CA8: variants seen among roughly 807,000 people sequenced by gnomAD.
CA8 encodes carbonic anhydrase 8 (inactive).
A neutral mutation model predicts 41.4 loss-of-function variants in CA8; 22 were observed. The observed-to-expected ratio is 0.53, with a 90% CI of 0.38 to 0.76. The LOEUF (loss-of-function observed/expected upper bound fraction) is 0.76. Ranked by LOEUF, CA8 falls within the 30% of genes least tolerant of loss-of-function variation. CA8 has a pLI of 0.00. For missense variants in CA8, 270 were observed against 352.8 expected (o/e 0.77, Z 1.88); for synonymous variants, 121 against 130.6 (o/e 0.93, Z 0.50).
chr8:60,267,444 G>A (rs1803937391), intron 2 of CA8, among the ~76,000 whole-genome samples: 1 of 152,228 alleles, frequency 6.6e-6, no homozygotes, highest in South Asian at 2.1e-4. Flanking sequence ...GGAAAGGGAA[G>A]TGAGATTCAT....
chr8:60,190,066 T>C lies in CA8; in HGVS notation c.*36-81A>G, dbSNP rs562932966. 8 of 151,856 alleles carry C rather than the reference T, an allele frequency of 5.3e-5. No individual in the cohort carries two copies. The South Asian group carries it at 1.0e-3, about 20-fold the overall frequency. 9.4% of individuals were successfully genotyped at this position (151,856 alleles called of 1,614,324 possible). A position where few individuals can be genotyped will look rare whatever the true frequency, so the allele number is the denominator to read the frequency against. ...AGCAGACTGAAAAGTCTTTTTACAG[T>C]ACAAGAGATAGTAAAAACTAAAAAT... On this transcript the variant is annotated intron_variant, in intron 8 of 8. Coordinates refer to ENST00000317995, the MANE Select transcript of CA8 (RefSeq NM_004056.6).
At chr8:60,215,572 T>A (rs1040213463) in intron 7 of CA8, among the ~76,000 whole-genome samples, 2 of 152,094 alleles carry the variant, frequency 1.3e-5, no homozygotes, top group Admixed American at 6.5e-5. Flanking sequence ...AATAAAAAAA[T>A]TTTAATAAAG....
At chr8:60,231,579 T>G (rs1807648803) in intron 4 of CA8, among the ~76,000 whole-genome samples, 1 of 152,216 alleles carries the variant, frequency 6.6e-6, no homozygotes, top group Non-Finnish European at 1.5e-5. Context: ...CAACTCTGGT[T>G]TCTGGTCCTG....
At chr8:60,267,502 G>T (rs973675269) in intron 2 of CA8, among the ~76,000 whole-genome samples, 1 of 152,174 alleles carries the variant, frequency 6.6e-6, no homozygotes, top group African/African-American at 2.4e-5. Flanking sequence ...TTTAGTGTTT[G>T]TCCTCATGCT....
At chr8:60,275,457 G>T (rs1033350609) in intron 2 of CA8, among the ~76,000 whole-genome samples, 13 of 148,680 alleles carry the variant, frequency 8.7e-5, no homozygotes, top group Non-Finnish European at 1.9e-4. Context: ...ACTGGATGTT[G>T]TATTTTTTTT....
chr8:60,231,642 T>A (rs1338011656), intron 4 of CA8, among the ~76,000 whole-genome samples: 2 of 152,200 alleles, frequency 1.3e-5, no homozygotes, highest in East Asian at 3.8e-4. Flanking sequence ...CTAAATCTTT[T>A]ACGATGTCAA....
intron 4 of CA8, among the ~76,000 whole-genome samples, chr8:60,230,692 A>G (rs1316542826): frequency 1.3e-5 from 2 of 151,952 alleles, no homozygotes; most frequent in Non-Finnish European, 2.9e-5. Flanking sequence ...TGAATTTTTC[A>G]TCACAGAAAC....
At chr8:60,246,444 C>A (rs754959746) in intron 3 of CA8, among the ~76,000 whole-genome samples, 3 of 151,908 alleles carry the variant, frequency 2.0e-5, no homozygotes, top group African/African-American at 4.8e-5. Flanking sequence ...AGGTGTGCAC[C>A]ACCATGTCTG....
chr8:60,261,992 G>C (rs1270705945), intron 3 of CA8, among the ~76,000 whole-genome samples: 1 of 152,152 alleles, frequency 6.6e-6, no homozygotes, highest in Non-Finnish European at 1.5e-5. Context: ...TTACAGGTGT[G>C]AGCCACTGTG....
rs1286890835 is a variant in CA8, at chr8:60,187,031, A to G, written c.*2990T>C. Among the ~76,000 whole-genome samples, 1 of 152,098 alleles carries G rather than the reference A, an allele frequency of 6.6e-6. No individual in the cohort carries two copies. Among genetic ancestry groups the G allele is most frequent in the Non-Finnish European group, 1.5e-5 (1 of 67,956 alleles). On this transcript the variant is annotated 3_prime_UTR_variant, in exon 9 of 9. Coordinates refer to ENST00000317995, the MANE Select transcript of CA8 (RefSeq NM_004056.6). ...ACACAGCATCCAACAACAGTACAATACATACTCTTAAGTACACATGGATTA... is the reference window on the plus strand; with the variant it reads ...ACACAGCATCCAACAACAGTACAATGCATACTCTTAAGTACACATGGATTA...
At chr8:60,216,036 A>T (rs1375811784) in intron 7 of CA8, among the ~76,000 whole-genome samples, 1 of 152,226 alleles carries the variant, frequency 6.6e-6, no homozygotes, top group Non-Finnish European at 1.5e-5. Context: ...TTCTCAATAT[A>T]ATCAGCTATG....
chr8:60,218,962 G>C (rs1238645140), intron 7 of CA8, among the ~76,000 whole-genome samples: 1 of 151,606 alleles, frequency 6.6e-6, no homozygotes. Flanking sequence ...CAAGAGAAGG[G>C]ACCTGGAGCA....
intron 8 of CA8, among the ~76,000 whole-genome samples, chr8:60,202,514 T>G (rs2130401510): frequency 6.6e-6 from 1 of 152,316 alleles, no homozygotes; most frequent in African/African-American, 2.4e-5. Context: ...ACTGGAGGGT[T>G]TCCATGAAGG....
At chr8:60,277,317 C>T (rs918913580) in intron 2 of CA8, among the ~76,000 whole-genome samples, 2 of 151,752 alleles carry the variant, frequency 1.3e-5, no homozygotes, top group African/African-American at 4.8e-5. Context: ...CAGGGGATAA[C>T]CACAGGCAGA....
rs146156867 is a variant in CA8 at position 60,197,351 on chromosome 8, A to C, written c.*36-7366T>G. Reference sequence around the variant, plus strand: ...AGATACATTACATATATATGTAACCATATGAGACACATATATAAAGAGAGG... The same window carrying C: ...AGATACATTACATATATATGTAACCCTATGAGACACATATATAAAGAGAGG... On this transcript the variant is annotated intron_variant, in intron 8 of 8. Transcript: ENST00000317995. Among the ~76,000 whole-genome samples, 433 of 152,274 alleles carry C rather than the reference A, an allele frequency of 2.8e-3. 1 individual carries two copies. The highest frequency in any genetic ancestry group is 5.2e-3 in the Admixed American group (80 of 15,288).
At chr8:60,252,803 A>C (rs1055105323) in intron 3 of CA8, among the ~76,000 whole-genome samples, 3 of 151,114 alleles carry the variant, frequency 2.0e-5, no homozygotes, top group Non-Finnish European at 4.4e-5. Flanking sequence ...TGAACTAGTG[A>C]ATATATGAAT....
chr8:60,211,725 A>G (rs1038209394), intron 7 of CA8, among the ~76,000 whole-genome samples: 3 of 152,226 alleles, frequency 2.0e-5, no homozygotes, highest in Non-Finnish European at 4.4e-5. Flanking sequence ...CTCTGATCAC[A>G]GCAACACTTT....
chr8:60,230,073 C>T (rs747627732), intron 4 of CA8, among the ~76,000 whole-genome samples: 3 of 152,182 alleles, frequency 2.0e-5, no homozygotes, highest in Non-Finnish European at 2.9e-5. Context: ...CCCACACCCA[C>T]GTTTTCTTTG....
intron 7 of CA8, among the ~76,000 whole-genome samples, chr8:60,211,676 T>C (rs1489618632): frequency 1.3e-5 from 2 of 152,206 alleles, no homozygotes; most frequent in Non-Finnish European, 2.9e-5. Flanking sequence ...CTCAAATCAC[T>C]GTACTCTCAG....
Sources: gnomAD v4.1 joint callset for allele counts (sites outside exome capture counted in the v4.1 genomes callset) on GRCh38, gnomAD v4.1.1 for gene constraint, MANE v1.5 for transcripts, NCBI Gene and HGNC (gene_info 2026-07-23, HGNC 2026-07-21) for gene names.